RPF2: variants seen among roughly 807,000 people sequenced by gnomAD.
RPF2 encodes brix domain containing 1.
Under a neutral mutation model 38.9 loss-of-function variants are expected in RPF2, and 21 were observed. The observed-to-expected ratio is 0.54, with a 90% CI of 0.38 to 0.78. RPF2 has a LOEUF of 0.78. Ranked by LOEUF, RPF2 falls within the 30% of genes least tolerant of loss-of-function variation. The probability of loss-of-function intolerance (pLI) is 0.00; values close to 1 mark genes in which losing one functional copy is unlikely to be tolerated. For synonymous variants in RPF2, 121 were observed against 126.2 expected, an observed-to-expected ratio of 0.96 and a Z score of 0.28; for missense variants, 314 against 358.1, an observed-to-expected ratio of 0.88 and a Z score of 0.99.
chr6:111,007,233 TG>T (rs1436556998), intron 6 of RPF2, among the ~76,000 whole-genome samples: 1 of 152,192 alleles, frequency 6.6e-6, no homozygotes, highest in Non-Finnish European at 1.5e-5. Context: ...CTATTTTGGT[TG>T]CTTGGTTGGT....
intron 8 of RPF2, among the ~76,000 whole-genome samples, 168 bp downstream of exon 8, chr6:111,016,024 C>T (rs527718310): frequency 1.3e-5 from 2 of 152,300 alleles, no homozygotes; most frequent in East Asian, 3.9e-4. Context: ...AGTCCTTTGC[C>T]TCTGAAACCC....
intron 4 of RPF2, among the ~76,000 whole-genome samples, chr6:110,994,595 A>G (rs1330539604): frequency 2.6e-5 from 4 of 151,986 alleles, no homozygotes; most frequent in Non-Finnish European, 5.9e-5. Flanking sequence ...CACAAAAAAA[A>G]GAAGAGTTGG....
chr6:111,026,069 G>A lies in RPF2; in HGVS notation c.*487G>A, dbSNP rs1268536735. The A allele has an allele frequency of 6.6e-6, 1 of 152,394 alleles. No homozygotes were observed. Among genetic ancestry groups the A allele is most frequent in the Non-Finnish European group, 1.5e-5 (1 of 68,268 alleles). The allele number at this position is 152,394 out of a possible 1,614,324, so 9.4% of individuals were successfully genotyped here. A position where few individuals can be genotyped will look rare whatever the true frequency, so the allele number is the denominator to read the frequency against. On this transcript the variant is annotated 3_prime_UTR_variant, in exon 10 of 10. Coordinates refer to ENST00000441448, the MANE Select transcript of RPF2 (RefSeq NM_032194.3). The stretch of plus-strand genomic sequence containing the variant: ...GTTGACATTTGAGATTTTAAGCTTT[G>A]TGGCTGAAAATATATAGATCTCTGA...
At position 111,026,913 on chromosome 6, in the gene RPF2, C is replaced by G. The variant is rs1168440552; in HGVS notation, c.*1331C>G. The G allele has an allele frequency of 6.6e-6, 1 of 152,262 alleles. No homozygotes were observed. Among genetic ancestry groups the G allele is most frequent in the African/African-American group, 2.4e-5 (1 of 41,446 alleles). The allele number at this position is 152,262 out of a possible 1,614,324, so 9.4% of individuals were successfully genotyped here. On this transcript the variant is annotated 3_prime_UTR_variant, in exon 10 of 10. Coordinates refer to ENST00000441448, the MANE Select transcript of RPF2 (RefSeq NM_032194.3). Reference sequence around the variant, plus strand: ...TTGTTTTTTGAGACAGAGTCTCGCTCTGTCGCTCAGGCTGGAGTGCAGTGG... The same window carrying G: ...TTGTTTTTTGAGACAGAGTCTCGCTGTGTCGCTCAGGCTGGAGTGCAGTGG...
intron 8 of RPF2, among the ~76,000 whole-genome samples, chr6:111,022,191 T>C (rs11751660): frequency 0.28 from 42,005 of 152,052 alleles, 6,195 homozygotes; most frequent in African/African-American, 0.4. Flanking sequence ...AAAGCAAACA[T>C]AACATTCTAA....
In RPF2 at chr6:111,008,147, T is replaced by G. The variant is rs199845797; in HGVS notation, c.493+10T>G. ...AAAAGTCTTCTTATTGGTAAGTATT[T>G]TAGTATTTATTATCTTCAGGGTAGC... On this transcript the variant is annotated intron_variant, in intron 7 of 9. Transcript: ENST00000441448. 1 of 1,590,308 alleles carries G rather than the reference T, an allele frequency of 6.3e-7. No individual in the cohort carries two copies. The highest frequency in any genetic ancestry group is 8.5e-7 in the Non-Finnish European group (1 of 1,170,716).
intron 4 of RPF2, among the ~76,000 whole-genome samples, chr6:110,992,827 A>G (rs1281948141): frequency 1.3e-5 from 2 of 152,200 alleles, no homozygotes; most frequent in East Asian, 1.9e-4. Flanking sequence ...CTGTAATCCC[A>G]GCACTTTGGG....
In RPF2 at chr6:111,025,499, A is replaced by G; in HGVS notation, c.838A>G (p.Lys280Glu). The change falls in exon 10 of 10, where the codon AAA becomes GAA. Residue 280 changes from lysine to glutamate, a missense_variant. Lys to Glu is a moderately conservative substitution (Grantham distance 56). Coordinates refer to ENST00000441448, the MANE Select transcript of RPF2 (RefSeq NM_032194.3). Reference protein sequence around the residue: ...KQDLSKLQTRKMKGLKKRPAE... With the variant: ...KQDLSKLQTREMKGLKKRPAE... The stretch of plus-strand genomic sequence containing the variant: ...AGACCTAAGCAAACTACAAACCAGG[A>G]AAATGAAGGGGTTGAAGAAGCGACC... 6.2e-7 allele frequency: 1 copy of G among 1,613,852 alleles called. No individual in the cohort carries two copies. Among genetic ancestry groups the G allele is most frequent in the Non-Finnish European group, 8.5e-7 (1 of 1,179,832 alleles).
chr6:111,001,430 C>T (rs139009998), intron 6 of RPF2, among the ~76,000 whole-genome samples: 3,196 of 151,742 alleles, frequency 0.021, 88 homozygotes, highest in African/African-American at 0.075. Flanking sequence ...CAGGCTGGGG[C>T]GCAGTGGCGC....
At chr6:111,018,559 T>C (rs1294538107) in intron 8 of RPF2, among the ~76,000 whole-genome samples, 1 of 152,256 alleles carries the variant, frequency 6.6e-6, no homozygotes. Flanking sequence ...CTTTATGTCC[T>C]ATGAATGTCC....
chr6:110,997,769 A>G (rs1771741895), intron 5 of RPF2, among the ~76,000 whole-genome samples: 1 of 151,998 alleles, frequency 6.6e-6, no homozygotes, highest in Admixed American at 6.6e-5. Context: ...GAAGTGAAGT[A>G]CGCTTTGAGC....
chr6:110,998,905 A>T (rs1406930223), intron 5 of RPF2, among the ~76,000 whole-genome samples: 1 of 149,922 alleles, frequency 6.7e-6, no homozygotes, highest in African/African-American at 2.5e-5. Flanking sequence ...AGATCATGCT[A>T]TTGCACTCCA....
rs2114293651 is a variant in RPF2, at chr6:110,988,844, G to A, written c.157-184G>A. On this transcript the variant is annotated intron_variant, in intron 2 of 9. Coordinates refer to ENST00000441448, the MANE Select transcript of RPF2 (RefSeq NM_032194.3). ...AGAAACTTTTAAATAGGAAAGTCTA[G>A]TCCAAGAATATTAAGCTTACATTTC... is the stretch of plus-strand genomic sequence containing the variant. 4.2e-6 allele frequency: 3 copies of A among 721,580 alleles called. No individual in the cohort carries two copies. In the East Asian group the frequency reaches 1.0e-4, roughly 25 times the overall value. The allele number at this position is 721,580 out of a possible 1,614,324, so 44.7% of individuals were successfully genotyped here.
chr6:111,000,925 C>A (rs567814332), intron 6 of RPF2, among the ~76,000 whole-genome samples: 107 of 152,262 alleles, frequency 7.0e-4, no homozygotes, highest in South Asian at 2.3e-3. Context: ...TTTTGAGGCT[C>A]ATGGTCTAGT....
At chr6:111,012,276 T>C (rs1772030678) in intron 7 of RPF2, among the ~76,000 whole-genome samples, 1 of 150,230 alleles carries the variant, frequency 6.7e-6, no homozygotes, top group Non-Finnish European at 1.5e-5. Context: ...TCTCAAGCAA[T>C]CCTCCTACCT....
chr6:111,014,036 T>G (rs1163086088), intron 7 of RPF2, among the ~76,000 whole-genome samples: 1 of 150,538 alleles, frequency 6.6e-6, no homozygotes, highest in African/African-American at 2.4e-5. Context: ...GTTCATTAGT[T>G]TTTTTTTTTT....
Position 110,991,753 on chromosome 6 carries a change from T to C in RPF2, c.201T>C (p.Asn67=). ...ACTTTTTTGATATTCTTAGGAAAAA[T>C]ATTACAAGACCTTTTGAGGATCAGA... ...KPYGVLYKKK[N]ITRPFEDQTS... Residue 67 remains asparagine, a synonymous_variant, in exon 4 of 10, where the codon AAT becomes AAC. Coordinates refer to ENST00000441448, the MANE Select transcript of RPF2 (RefSeq NM_032194.3). 1 of 1,216,362 alleles carries C rather than the reference T, an allele frequency of 8.2e-7. No homozygotes were observed. Among genetic ancestry groups the C allele is most frequent in the Non-Finnish European group, 1.2e-6 (1 of 868,386 alleles). 75.3% of individuals were successfully genotyped at this position (1,216,362 alleles called of 1,614,324 possible).
Position 110,982,098 on chromosome 6 carries a change from G to C in RPF2, c.-9G>C. On this transcript the variant is annotated 5_prime_UTR_variant, in exon 1 of 10. Transcript: ENST00000441448. The stretch of plus-strand genomic sequence containing the variant: ...GCCCCCTGGTTAAGAGTTGCAGGTA[G>C]CGGTAGCGATGGACACTCTGGATCG... 6.2e-7 allele frequency: 1 copy of C among 1,614,230 alleles called. No individual in the cohort carries two copies. The highest frequency in any genetic ancestry group is 8.5e-7 in the Non-Finnish European group (1 of 1,180,028).
In RPF2 at chr6:111,013,863, G is replaced by A. The variant is rs535325397; in HGVS notation, c.494-1891G>A. ...TTTATAAAAATGTCCCAGGCCAGGC[G>A]TGGTGGCTCAAACCTGTAATCCCAG... On this transcript the variant is annotated intron_variant, in intron 7 of 9. Coordinates refer to ENST00000441448, the MANE Select transcript of RPF2 (RefSeq NM_032194.3). Among the ~76,000 whole-genome samples, 44 of 152,244 alleles carry A rather than the reference G, an allele frequency of 2.9e-4. No homozygotes were observed. The South Asian group carries it at 8.3e-3, about 29-fold the overall frequency.
Sources: allele counts gnomAD v4.1 joint callset (sites outside exome capture counted in the v4.1 genomes callset), GRCh38; gene constraint gnomAD v4.1.1; transcripts MANE v1.5; gene names NCBI Gene and HGNC (gene_info 2026-07-23, HGNC 2026-07-21).